Variants in SMG6 observed in about 807,000 individuals in gnomAD.
SMG6 encodes SMG6 nonsense mediated mRNA decay factor.
Under a neutral mutation model 142.2 loss-of-function variants are expected in SMG6, and 66 were observed. The ratio of observed to expected loss-of-function variants is 0.46; its 90% CI spans 0.38 to 0.57. The LOEUF is 0.57. Ranked by LOEUF, SMG6 falls within the 20% of genes least tolerant of loss-of-function variation. The probability of loss-of-function intolerance (pLI) is 0.00; values close to 1 mark genes in which losing one functional copy is unlikely to be tolerated. For missense variants in SMG6, 1,793 were observed against 1,832.0 expected (o/e 0.98, Z 0.39); for synonymous variants, 779 against 702.4 (o/e 1.11, Z -1.72).
chr17:2,172,903 C>G (rs1410027074), intron 12 of SMG6, 44 bp from the exon 13 acceptor site: 2 of 1,566,130 alleles, frequency 1.3e-6, no homozygotes, highest in African/African-American at 2.7e-5. Context: ...AAAGAGGGAC[C>G]AGTAAAAAAA....
chr17:2,246,959 C>A (rs2073941867), intron 8 of SMG6, among the ~76,000 whole-genome samples: 1 of 151,990 alleles, frequency 6.6e-6, no homozygotes, highest in Non-Finnish European at 1.5e-5. Context: ...AAAAATAAAA[C>A]AAAACAAAAC....
At chr17:2,294,811 T>C (rs916340049) in intron 4 of SMG6, among the ~76,000 whole-genome samples, 1 of 152,146 alleles carries the variant, frequency 6.6e-6, no homozygotes, top group African/African-American at 2.4e-5. Flanking sequence ...GCACGGTTTT[T>C]TTTCAATCTG....
intron 13 of SMG6, among the ~76,000 whole-genome samples, chr17:2,133,765 T>C (rs1426363904): frequency 4.6e-5 from 7 of 152,242 alleles, no homozygotes; most frequent in African/African-American, 7.2e-5. Flanking sequence ...GCAGGTAGGA[T>C]AGCCATGTGA....
chr17:2,065,482 T>C lies in SMG6; in HGVS notation c.4033A>G (p.Ile1345Val), dbSNP rs745454837. ...CAGGGTCTCACCAGCTGGCCAGTGA[T>C]GTCCTCACTGCGGAAGGCGATGGAT... ...LESIAFRSED[I>V]TGQLGNNDDL... Residue 1345 changes from isoleucine to valine, a missense_variant, in exon 17 of 19, where the codon ATC becomes GTC. Physicochemically the swap from Ile to Val is conservative, Grantham distance 29. Coordinates refer to ENST00000263073, the MANE Select transcript of SMG6 (RefSeq NM_017575.5). The C allele has an allele frequency of 3.1e-6, 5 of 1,612,418 alleles. No individual in the cohort carries two copies. Among genetic ancestry groups the C allele is most frequent in the Non-Finnish European group, 4.2e-6 (5 of 1,179,750 alleles).
In SMG6 at chr17:2,130,283, AAG is replaced by A. The variant is rs1437845279; in HGVS notation, c.3357+42373_3357+42374del. ...CTCCGTCTCAAAAAAAAAAAAAAAA[AAG>A]AAACAGCATTTATATTCATACCATT... On this transcript the variant is annotated intron_variant, in intron 13 of 18. Transcript: ENST00000263073. Among the ~76,000 whole-genome samples, 229 of 129,458 alleles carry A rather than the reference AAG, an allele frequency of 1.8e-3. 6 individuals carry two copies. Among genetic ancestry groups the A allele is most frequent in the Middle Eastern group, 3.8e-3 (1 of 262 alleles). 84.9% of individuals were successfully genotyped at this position (129,458 alleles called of 152,430 possible).
At chr17:2,078,276 A>G (rs1009457185) in intron 15 of SMG6, among the ~76,000 whole-genome samples, 2 of 152,224 alleles carry the variant, frequency 1.3e-5, no homozygotes, top group Admixed American at 1.3e-4. Flanking sequence ...GAGGGAATAA[A>G]TGTGTGAATA....
At chr17:2,195,554 A>G (rs748925912) in intron 10 of SMG6, among the ~76,000 whole-genome samples, 54 of 152,208 alleles carry the variant, frequency 3.5e-4, no homozygotes, top group Non-Finnish European at 7.5e-4. Flanking sequence ...AGCACCATAG[A>G]GAGGTTCAAG....
chr17:2,293,785 C>A (rs1286945965), intron 4 of SMG6, among the ~76,000 whole-genome samples: 1 of 152,294 alleles, frequency 6.6e-6, no homozygotes, highest in East Asian at 1.9e-4. Context: ...CTTTTTTTGC[C>A]ATCATTATAG....
intron 4 of SMG6, among the ~76,000 whole-genome samples, chr17:2,293,475 C>T (rs866175909): frequency 3.6e-4 from 54 of 151,848 alleles, no homozygotes; most frequent in Non-Finnish European, 5.7e-4. Context: ...TTTTTTCCCC[C>T]CTAATAATTT....
At chr17:2,167,067 G>C (rs922530911) in intron 13 of SMG6, among the ~76,000 whole-genome samples, 2 of 148,950 alleles carry the variant, frequency 1.3e-5, no homozygotes, top group Non-Finnish European at 3.0e-5. Context: ...GAGGCAGAGG[G>C]GGTGCAGTGA....
intron 8 of SMG6, chr17:2,266,067 C>CAA: frequency 1.0e-6 from 1 of 985,352 alleles, no homozygotes; most frequent in Non-Finnish European, 1.2e-6. Context: ...ATGCCTTTCC[C>CAA]CCCTCTTCAG....
At chr17:2,249,313 A>G (rs1261162191) in intron 8 of SMG6, among the ~76,000 whole-genome samples, 1 of 149,908 alleles carries the variant, frequency 6.7e-6, no homozygotes, top group Non-Finnish European at 1.5e-5. Context: ...CATTTATCTT[A>G]GAGACAGTGT....
chr17:2,092,753 G>A (rs886424264), intron 13 of SMG6, among the ~76,000 whole-genome samples: 9 of 152,248 alleles, frequency 5.9e-5, no homozygotes, highest in African/African-American at 2.2e-4. Context: ...GGCAAGACAA[G>A]GCAATACAGG....
chr17:2,232,733 G>A (rs1037149540), intron 10 of SMG6: 6 of 152,130 alleles, frequency 3.9e-5, no homozygotes, highest in African/African-American at 1.4e-4. Flanking sequence ...GAACCCGTGA[G>A]TTTTAAGACC....
chr17:2,197,987 C>T (rs1353684967), intron 10 of SMG6, among the ~76,000 whole-genome samples: 1 of 152,104 alleles, frequency 6.6e-6, no homozygotes, highest in Non-Finnish European at 1.5e-5. Flanking sequence ...GGGCTTTATC[C>T]TGAAGAAATG....
intron 16 of SMG6, among the ~76,000 whole-genome samples, chr17:2,066,574 G>A (rs1258323001): frequency 1.3e-5 from 2 of 151,376 alleles, no homozygotes; most frequent in Non-Finnish European, 2.9e-5. Context: ...GCCGGCGTGA[G>A]CATGCTGTTC....
intron 12 of SMG6, 109 bp downstream of exon 12, chr17:2,186,554 G>C (rs2270478): frequency 8.0e-7 from 1 of 1,249,282 alleles, no homozygotes; most frequent in Non-Finnish European, 1.1e-6. Flanking sequence ...GAAATAGAGA[G>C]GCAGGCAGGC....
chr17:2,187,565 T>G (rs2072028853), intron 11 of SMG6, among the ~76,000 whole-genome samples: 1 of 152,136 alleles, frequency 6.6e-6, no homozygotes, highest in African/African-American at 2.4e-5. Flanking sequence ...AATCAAATGG[T>G]TCAGAAGAAA....
chr17:2,273,992 T>C (rs1299248062), intron 8 of SMG6, among the ~76,000 whole-genome samples: 1 of 152,266 alleles, frequency 6.6e-6, no homozygotes, highest in East Asian at 1.9e-4. Context: ...AACTGTTTAC[T>C]GTATTCTATT....
Sources: gnomAD v4.1 joint callset for allele counts (sites outside exome capture counted in the v4.1 genomes callset) on GRCh38, gnomAD v4.1.1 for gene constraint, MANE v1.5 for transcripts, NCBI Gene and HGNC (gene_info 2026-07-23, HGNC 2026-07-21) for gene names.